RARB: variants seen among roughly 807,000 people sequenced by gnomAD.
RARB encodes retinoic acid receptor beta.
A neutral mutation model predicts 51.9 loss-of-function variants in RARB; 17 were observed. That is an observed-to-expected ratio of 0.33 (90% confidence interval 0.22 to 0.49). RARB has a LOEUF of 0.49. Ranked by LOEUF, RARB falls within the 20% of genes least tolerant of loss-of-function variation. The pLI is 0.99. For synonymous variants in RARB, 215 were observed against 195.4 expected (o/e 1.10, Z -0.84); for missense variants, 369 against 550.8 (o/e 0.67, Z 3.30).
At chr3:24,900,604 A>G (rs925858113) in intron 2 of RARB, among the ~76,000 whole-genome samples, 4 of 150,298 alleles carry the variant, frequency 2.7e-5, no homozygotes, top group Admixed American at 6.6e-5. Flanking sequence ...GTTTTGCTTA[A>G]TAATTATCTA....
intron 5 of RARB, among the ~76,000 whole-genome samples, chr3:25,402,703 C>A (rs1376550943): frequency 6.6e-6 from 1 of 151,880 alleles, no homozygotes; most frequent in East Asian, 1.9e-4. Flanking sequence ...AAGCCAGGCG[C>A]AGAAAGACAA....
chr3:25,585,562 ATTCT>A (rs1404748610), intron 5 of RARB, among the ~76,000 whole-genome samples: 1 of 152,216 alleles, frequency 6.6e-6, no homozygotes, highest in African/African-American at 2.4e-5. Flanking sequence ...TTCACTTGTG[ATTCT>A]GAAGACAGGG....
At chr3:24,962,642 C>T (rs1696166267) in intron 2 of RARB, among the ~76,000 whole-genome samples, 1 of 152,272 alleles carries the variant, frequency 6.6e-6, no homozygotes, top group South Asian at 2.1e-4. Context: ...CATAGGAGCA[C>T]AAACCCTATC....
At chr3:25,126,269 T>A (rs1263658090) in intron 3 of RARB, among the ~76,000 whole-genome samples, 3 of 152,186 alleles carry the variant, frequency 2.0e-5, no homozygotes, top group African/African-American at 7.2e-5. Context: ...CACAAAACCC[T>A]GAAGCCTGGT....
intron 2 of RARB, among the ~76,000 whole-genome samples, chr3:24,886,639 G>A (rs532522910): frequency 1.3e-5 from 2 of 152,002 alleles, no homozygotes; most frequent in East Asian, 1.9e-4. Context: ...ACAAGGTCTC[G>A]TTATGTTGCT....
intron 5 of RARB, among the ~76,000 whole-genome samples, chr3:25,275,036 T>C (rs559631370): frequency 1.3e-5 from 2 of 152,288 alleles, no homozygotes; most frequent in South Asian, 4.1e-4. Context: ...ATACTGTTTT[T>C]TAAAAAAGAT....
intron 2 of RARB, among the ~76,000 whole-genome samples, chr3:25,049,266 C>G (rs1320854219): frequency 6.6e-6 from 1 of 152,130 alleles, no homozygotes; most frequent in Non-Finnish European, 1.5e-5. Context: ...TGAAGCTCAT[C>G]AAGAAAAAGG....
chr3:25,593,480 C>A, intron 5 of RARB, 23 bp from the exon 6 acceptor site: 1 of 1,592,980 alleles, frequency 6.3e-7, no homozygotes, highest in South Asian at 1.1e-5. Context: ...TTAGAACATC[C>A]ATCAATTTTT....
In RARB at chr3:24,853,102, C is replaced by G. The variant is rs146043230; in HGVS notation, c.-458-5572C>G. ...GGCCGAGACGGGTGGATCATGAGGT[C>G]GGGGGATTGAGACCATTCTGGTTAA... On this transcript the variant is annotated intron_variant, in intron 1 of 11. Transcript: ENST00000383772. 2.7e-3 allele frequency among the ~76,000 whole-genome samples: 406 copies of G among 150,488 alleles called. 1 individual carries two copies. The highest frequency in any genetic ancestry group is 4.6e-3 in the Non-Finnish European group (314 of 67,794).
chr3:25,596,619 CA>C lies in RARB; in HGVS notation c.*4del. 6.3e-7 allele frequency: 1 copy of C among 1,575,704 alleles called. No individual in the cohort carries two copies. Among genetic ancestry groups the C allele is most frequent in the Non-Finnish European group, 8.7e-7 (1 of 1,150,160 alleles). On this transcript the variant is annotated 3_prime_UTR_variant, in exon 8 of 8. Coordinates refer to ENST00000330688, the MANE Select transcript of RARB (RefSeq NM_000965.5). ...GTCAGTCACCACTCGTGCAATAAGA[CA>C]TTTTCTAGCTACTTCAAACATTCCC...
At chr3:25,577,291 G>A (rs1014357561) in intron 4 of RARB, among the ~76,000 whole-genome samples, 2 of 152,166 alleles carry the variant, frequency 1.3e-5, no homozygotes, top group African/African-American at 2.4e-5. Context: ...GGTGCCTACC[G>A]CATGGGGGCG....
intron 2 of RARB, among the ~76,000 whole-genome samples, chr3:24,879,387 T>TGC (rs1290777843): frequency 2.9e-4 from 43 of 150,640 alleles, no homozygotes; most frequent in Non-Finnish European, 5.2e-4. Flanking sequence ...CGAGATCGCA[T>TGC]CACTGCATTC....
intron 5 of RARB, among the ~76,000 whole-genome samples, chr3:25,586,890 G>A (rs1014337738): frequency 2.6e-5 from 4 of 152,222 alleles, no homozygotes; most frequent in African/African-American, 7.2e-5. Flanking sequence ...GTGCCATCAC[G>A]AGGAGGCCCT....
intron 4 of RARB, among the ~76,000 whole-genome samples, chr3:25,575,273 T>C (rs1049006406): frequency 6.6e-6 from 1 of 152,150 alleles, no homozygotes; most frequent in Non-Finnish European, 1.5e-5. Flanking sequence ...CCTCCTGCCG[T>C]GCGGCCCAGT....
At chr3:24,835,881 G>A (rs1000993253) in intron 1 of RARB, among the ~76,000 whole-genome samples, 5 of 152,148 alleles carry the variant, frequency 3.3e-5, no homozygotes, top group African/African-American at 1.2e-4. Flanking sequence ...TCCATCTTAA[G>A]GTTAGATCCT....
intron 2 of RARB, among the ~76,000 whole-genome samples, chr3:24,912,932 C>T (rs1695020581): frequency 6.7e-6 from 1 of 148,306 alleles, no homozygotes; most frequent in Non-Finnish European, 1.5e-5. Flanking sequence ...GAAAATGTGA[C>T]CCATGGTATC....
At chr3:24,896,506 G>A (rs867410235) in intron 2 of RARB, among the ~76,000 whole-genome samples, 6 of 151,998 alleles carry the variant, frequency 3.9e-5, no homozygotes, top group South Asian at 2.1e-4. Context: ...TGATCCGCCC[G>A]CCTCGGCCTC....
chr3:25,326,008 A>G (rs954422764), intron 5 of RARB, among the ~76,000 whole-genome samples: 15 of 152,262 alleles, frequency 9.9e-5, no homozygotes, highest in Non-Finnish European at 2.1e-4. Context: ...TACCTGAAGC[A>G]TATATGAAAG....
chr3:25,458,939 C>T (rs1048589998), intron 1 of RARB, among the ~76,000 whole-genome samples: 3 of 152,168 alleles, frequency 2.0e-5, no homozygotes. Flanking sequence ...GGAAAAAGTT[C>T]ATGTGCTAAT....
Sources: allele counts gnomAD v4.1 joint callset (sites outside exome capture counted in the v4.1 genomes callset), GRCh38; gene constraint gnomAD v4.1.1; transcripts MANE v1.5; gene names NCBI Gene and HGNC (gene_info 2026-07-23, HGNC 2026-07-21).